Variants in RPS6KB1 observed in about 807,000 individuals in gnomAD.
The protein encoded by RPS6KB1 is ribosomal protein S6 kinase B1, also known as ribosomal protein S6 kinase beta-1.
A neutral mutation model predicts 70.2 loss-of-function variants in RPS6KB1; 12 were observed. The observed-to-expected ratio is 0.17, with a 90% confidence interval of 0.11 to 0.28. The LOEUF (loss-of-function observed/expected upper bound fraction) is 0.28. Ranked by LOEUF, RPS6KB1 falls within the 10% of genes least tolerant of loss-of-function variation. RPS6KB1 has a pLI of 1.00. For missense variants in RPS6KB1, 270 were observed against 646.6 expected, an observed-to-expected ratio of 0.42 and a Z score of 6.32; for synonymous variants, 175 against 211.2, an observed-to-expected ratio of 0.83 and a Z score of 1.49.
chr17:59,903,796 T>C lies in RPS6KB1; in HGVS notation c.142-6766T>C, dbSNP rs1598657921. Among the ~76,000 whole-genome samples the C allele has an allele frequency of 2.0e-5, 3 of 152,348 alleles. No individual in the cohort carries two copies. In the East Asian group the frequency reaches 5.8e-4, roughly 29 times the overall value. ...TTTGCATTTCCCTAACAACTAATGA[T>C]GTTGAACATCTTTCCATTTGCTTAT... On this transcript the variant is annotated intron_variant, in intron 1 of 14. Transcript: ENST00000225577.
At chr17:59,933,870 G>T (rs1402214633) in intron 7 of RPS6KB1, among the ~76,000 whole-genome samples, 1 of 152,100 alleles carries the variant, frequency 6.6e-6, no homozygotes, top group South Asian at 2.1e-4. Flanking sequence ...TCTTTTTCAG[G>T]ATGGTAGAGA....
chr17:59,936,762 G>T (rs557030076), intron 12 of RPS6KB1, among the ~76,000 whole-genome samples: 1 of 152,190 alleles, frequency 6.6e-6, no homozygotes, highest in Non-Finnish European at 1.5e-5. Flanking sequence ...CAGGAGGATC[G>T]CTTGATATTT....
intron 1 of RPS6KB1, among the ~76,000 whole-genome samples, chr17:59,902,458 C>G (rs1369495701): frequency 6.6e-6 from 1 of 151,890 alleles, no homozygotes; most frequent in African/African-American, 2.4e-5. Context: ...CTTTTTAGGG[C>G]CAAATAGTTA....
In RPS6KB1 at chr17:59,893,868, A is replaced by G; in HGVS notation, c.141+543A>G. 3 of 985,052 alleles carry G rather than the reference A, an allele frequency of 3.0e-6. No individual in the cohort carries two copies. The highest frequency in any genetic ancestry group is 3.6e-6 in the Non-Finnish European group (3 of 829,958). 61.0% of individuals were successfully genotyped at this position (985,052 alleles called of 1,614,324 possible). ...TAGCACTGCCGCTGCTGTTACAGCC[A>G]CCAGGAGTTTTATTTCGGGAGCAAG... On this transcript the variant is annotated intron_variant, in intron 1 of 14. Coordinates refer to ENST00000225577, the MANE Select transcript of RPS6KB1 (RefSeq NM_003161.4). This position sits in a 1 kb window ranked among gnomAD's most constrained non-coding sequence, Gnocchi z 4.1.
chr17:59,904,331 G>C (rs1490508144), intron 1 of RPS6KB1, among the ~76,000 whole-genome samples: 1 of 151,702 alleles, frequency 6.6e-6, no homozygotes, highest in Non-Finnish European at 1.5e-5. Context: ...CGCCCTCCTT[G>C]GCCTCCCAAA....
At position 59,934,382 on chromosome 17, in the gene RPS6KB1, A is replaced by G; in HGVS notation, c.780-52A>G. ...TATATTGTTTTTAAAATTCTAATTC[A>G]GATGATATGCAAATGGGTGAATTTT... On this transcript the variant is annotated intron_variant, in intron 8 of 14. Coordinates refer to ENST00000225577, the MANE Select transcript of RPS6KB1 (RefSeq NM_003161.4). This position sits in a 1 kb window ranked among gnomAD's most constrained non-coding sequence, Gnocchi z 4.8. 3 of 1,528,880 alleles carry G rather than the reference A, an allele frequency of 2.0e-6. No individual in the cohort carries two copies. The highest frequency in any genetic ancestry group is 2.7e-6 in the Non-Finnish European group (3 of 1,103,260). The allele number at this position is 1,528,880 out of a possible 1,614,324, so 94.7% of individuals were successfully genotyped here. A position where few individuals can be genotyped will look rare whatever the true frequency, so the allele number is the denominator to read the frequency against.
At chr17:59,908,063 C>G (rs1157748031) in intron 1 of RPS6KB1, among the ~76,000 whole-genome samples, 1 of 151,894 alleles carries the variant, frequency 6.6e-6, no homozygotes, top group Non-Finnish European at 1.5e-5. Flanking sequence ...GTTGTGGGTA[C>G]CTTAGGCTTA....
At chr17:59,901,339 C>T (rs1359574659) in intron 1 of RPS6KB1, among the ~76,000 whole-genome samples, 3 of 151,266 alleles carry the variant, frequency 2.0e-5, no homozygotes, top group South Asian at 2.1e-4. Flanking sequence ...TTAGTAGAGA[C>T]GGGGTTTCAC....
chr17:59,909,865 A>G (rs1025835893), intron 1 of RPS6KB1, among the ~76,000 whole-genome samples: 5 of 152,104 alleles, frequency 3.3e-5, no homozygotes. Context: ...ATAAAAAATT[A>G]GCCAGGCATG....
Position 59,946,882 on chromosome 17 carries a change from C to G in RPS6KB1, c.*94C>G. 6.3e-7 allele frequency: 1 copy of G among 1,578,468 alleles called. No individual in the cohort carries two copies. The highest frequency in any genetic ancestry group is 2.2e-5 in the East Asian group (1 of 44,458). ...GTGAAACGACTCAAAATGACAGTTT[C>G]AGAGAGTCAATGTCATTACATAGAA... On this transcript the variant is annotated 3_prime_UTR_variant, in exon 15 of 15. Coordinates refer to ENST00000225577, the MANE Select transcript of RPS6KB1 (RefSeq NM_003161.4). This position sits in a 1 kb window ranked among gnomAD's most constrained non-coding sequence, Gnocchi z 4.2.
intron 6 of RPS6KB1, chr17:59,931,193 A>G: frequency 5.0e-6 from 1 of 198,866 alleles, no homozygotes; most frequent in Non-Finnish European, 1.0e-5. Context: ...GTCAGGTTAT[A>G]AGATACCTTT....
At chr17:59,918,392 A>G (rs531743601) in intron 4 of RPS6KB1, among the ~76,000 whole-genome samples, 1 of 150,808 alleles carries the variant, frequency 6.6e-6, no homozygotes, top group African/African-American at 2.4e-5. Context: ...TTTTTGAGAC[A>G]AGAGTCTCAC....
Position 59,946,938 on chromosome 17 carries a change from T to C in RPS6KB1, c.*150T>C. On this transcript the variant is annotated 3_prime_UTR_variant, in exon 15 of 15. Coordinates refer to ENST00000225577, the MANE Select transcript of RPS6KB1 (RefSeq NM_003161.4). This position sits in a 1 kb window ranked among gnomAD's most constrained non-coding sequence, Gnocchi z 4.2. ...CAGACACAGGAAAAATAAACGTGGA[T>C]TTTAAAAAATCAATCAATGGTGCAA... The C allele has an allele frequency of 6.8e-7, 1 of 1,472,054 alleles. No individual in the cohort carries two copies. The highest frequency in any genetic ancestry group is 9.0e-7 in the Non-Finnish European group (1 of 1,114,418). 91.2% of individuals were successfully genotyped at this position (1,472,054 alleles called of 1,614,324 possible). A position where few individuals can be genotyped will look rare whatever the true frequency, so the allele number is the denominator to read the frequency against.
At chr17:59,908,171 T>C (rs762356298) in intron 1 of RPS6KB1, among the ~76,000 whole-genome samples, 1 of 152,166 alleles carries the variant, frequency 6.6e-6, no homozygotes, top group Non-Finnish European at 1.5e-5. Flanking sequence ...GTAGTGCCTT[T>C]AATTTCATAA....
intron 6 of RPS6KB1, chr17:59,931,318 T>C (rs2043911775): frequency 6.7e-6 from 2 of 296,528 alleles, no homozygotes; most frequent in Non-Finnish European, 1.3e-5. Context: ...GCTTAATTCC[T>C]ACACAGACAG....
rs369226906 is a variant in RPS6KB1 at position 59,915,444 on chromosome 17, T to TA, written c.381+741_381+742insA. Among the ~76,000 whole-genome samples the TA allele has an allele frequency of 4.6e-5, 7 of 152,148 alleles. No individual in the cohort carries two copies. In the East Asian group the frequency reaches 1.4e-3, roughly 29 times the overall value. ...CTCTTCACTGTTTCTGATCTCCTTA[T>TA]TTCTAAGTAATAAGCATGTACTGCC... On this transcript the variant is annotated intron_variant, in intron 4 of 14. Coordinates refer to ENST00000225577, the MANE Select transcript of RPS6KB1 (RefSeq NM_003161.4).
chr17:59,916,192 C>T (rs1286616598), intron 4 of RPS6KB1, among the ~76,000 whole-genome samples: 2 of 152,142 alleles, frequency 1.3e-5, no homozygotes. Flanking sequence ...CCTCCACCTC[C>T]CAGGTTAAAG....
intron 2 of RPS6KB1, among the ~76,000 whole-genome samples, chr17:59,911,538 G>GC (rs2042635453): frequency 1.3e-5 from 1 of 74,740 alleles, no homozygotes; most frequent in Admixed American, 1.8e-4. Flanking sequence ...TTTTTGTTGG[G>GC]TTTTTTTTTT....
intron 1 of RPS6KB1, among the ~76,000 whole-genome samples, chr17:59,904,635 C>T (rs1483123548): frequency 6.6e-6 from 1 of 150,696 alleles, no homozygotes; most frequent in African/African-American, 2.4e-5. Context: ...CTCAAATTAT[C>T]CTCCTGCCTC....
Sources: allele counts gnomAD v4.1 joint callset (sites outside exome capture counted in the v4.1 genomes callset), GRCh38; gene constraint gnomAD v4.1.1; non-coding constraint Gnocchi (gnomAD v3.1); transcripts MANE v1.5; gene names NCBI Gene and HGNC (gene_info 2026-07-23, HGNC 2026-07-21).